UTP20: variants seen among roughly 807,000 people sequenced by gnomAD.
UTP20 encodes UTP20 small subunit processome component, also known as small subunit processome component 20 homolog.
In UTP20, 164 loss-of-function variants were observed where a neutral mutation model predicts 329.5. The observed-to-expected ratio is 0.50, with a 90% CI of 0.44 to 0.57. The LOEUF is 0.57. UTP20 is among the 20% of genes least tolerant of loss of function. The probability of loss-of-function intolerance (pLI) is 0.00; values close to 1 mark genes in which losing one functional copy is unlikely to be tolerated. For synonymous variants in UTP20, 1,151 were observed against 1,159.3 expected, an observed-to-expected ratio of 0.99 and a Z score of 0.14; for missense variants, 3,055 against 3,284.2, an observed-to-expected ratio of 0.93 and a Z score of 1.71.
At chr12:101,322,268 G>A (rs1335882317) in intron 25 of UTP20, among the ~76,000 whole-genome samples, 1 of 152,164 alleles carries the variant, frequency 6.6e-6, no homozygotes, top group Non-Finnish European at 1.5e-5. Context: ...GGGATTACAG[G>A]CGTGAGCCAC....
At chr12:101,306,787 G>C (rs748481889) in intron 17 of UTP20, 26 bp downstream of exon 17, 1 of 1,564,768 alleles carries the variant, frequency 6.4e-7, no homozygotes, top group Non-Finnish European at 8.7e-7. Flanking sequence ...GAGTGGATAG[G>C]TTTTAAAAAA....
chr12:101,301,538 C>T (rs904530104), intron 14 of UTP20, among the ~76,000 whole-genome samples: 11 of 151,594 alleles, frequency 7.3e-5, no homozygotes, highest in African/African-American at 1.2e-4. Context: ...TATGATAGCA[C>T]ATGCCTGTAA....
chr12:101,282,544 A>G (rs1196750459), intron 2 of UTP20, among the ~76,000 whole-genome samples: 2 of 152,184 alleles, frequency 1.3e-5, no homozygotes, highest in Non-Finnish European at 2.9e-5. Context: ...GGCAAGGATC[A>G]TAAAGGACTT....
intron 32 of UTP20, among the ~76,000 whole-genome samples, chr12:101,342,196 A>G (rs1405408257): frequency 6.6e-6 from 1 of 152,200 alleles, no homozygotes; most frequent in Non-Finnish European, 1.5e-5. Context: ...ATTAGACAAT[A>G]GAAGAAATTA....
chr12:101,384,936 G>A (rs891783389), intron 60 of UTP20, among the ~76,000 whole-genome samples: 13 of 152,128 alleles, frequency 8.5e-5, no homozygotes, highest in Non-Finnish European at 1.6e-4. Flanking sequence ...GGATTCAACA[G>A]CAGGAAAGTT....
intron 58 of UTP20, 69 bp downstream of exon 58, chr12:101,381,280 C>G: frequency 7.1e-7 from 1 of 1,406,400 alleles, no homozygotes; most frequent in Non-Finnish European, 1.0e-6. Context: ...GCCTGTAATC[C>G]CAGCACTTTG....
intron 27 of UTP20, among the ~76,000 whole-genome samples, chr12:101,332,391 A>G (rs1009675239): frequency 1.3e-5 from 2 of 152,146 alleles, no homozygotes; most frequent in African/African-American, 4.8e-5. Flanking sequence ...CATACATTCA[A>G]TAAATTTGCC....
At chr12:101,367,210 A>G (rs1441932054) in intron 47 of UTP20, among the ~76,000 whole-genome samples, 4 of 152,146 alleles carry the variant, frequency 2.6e-5, no homozygotes, top group Middle Eastern at 3.2e-3. Flanking sequence ...ACTTGAGCCC[A>G]GGAGTTTGAG....
intron 21 of UTP20, among the ~76,000 whole-genome samples, chr12:101,314,473 ACGGTGAAAC>A (rs1872899666): frequency 6.6e-6 from 1 of 151,960 alleles, no homozygotes; most frequent in African/African-American, 2.4e-5. Flanking sequence ...CCTGGCTAAC[ACGGTGAAAC>A]CCTGTCTGTA....
chr12:101,365,072 TTGTGTGTGTGTG>T (rs60890980), intron 45 of UTP20, among the ~76,000 whole-genome samples: 18,156 of 141,964 alleles, frequency 0.13, 1,344 homozygotes, highest in Middle Eastern at 0.24. Flanking sequence ...ATTTTGTTGA[TTGTGTGTGTGTG>T]TGTGTGTGTG....
At chr12:101,346,684 C>A in intron 38 of UTP20, 96 bp downstream of exon 38, 1 of 1,247,238 alleles carries the variant, frequency 8.0e-7, no homozygotes, top group Non-Finnish European at 1.1e-6. Context: ...GTGTTGATGT[C>A]ATCACCATAA....
chr12:101,336,399 A>G (rs1369687142), intron 29 of UTP20, among the ~76,000 whole-genome samples: 1 of 152,366 alleles, frequency 6.6e-6, no homozygotes, highest in Non-Finnish European at 1.5e-5. Flanking sequence ...ACTAGCTTAT[A>G]AGTAAGTTTA....
chr12:101,340,937 C>CTTTTTTTTT (rs71091488), intron 32 of UTP20, among the ~76,000 whole-genome samples: 13 of 83,018 alleles, frequency 1.6e-4, no homozygotes, highest in Non-Finnish European at 2.2e-4. Flanking sequence ...ATTGTGTAAT[C>CTTTTTTTTT]TTTTTTTTTT....
At chr12:101,293,376 T>C in intron 11 of UTP20, 131 bp downstream of exon 11, 1 of 752,314 alleles carries the variant, frequency 1.3e-6, no homozygotes, top group Non-Finnish European at 2.1e-6. Flanking sequence ...TTTTAGTCAA[T>C]ATGTTTTTTA....
At position 101,338,863 on chromosome 12, in the gene UTP20, C is replaced by T. The variant is rs768337638; in HGVS notation, c.3919C>T (p.Leu1307Phe). 1.2e-6 allele frequency: 2 copies of T among 1,612,026 alleles called. No homozygotes were observed. The highest frequency in any genetic ancestry group is 1.7e-6 in the Non-Finnish European group (2 of 1,179,376). ...RLILPHVPAILQYLSKTTISA... is the reference protein window; with the variant it reads ...RLILPHVPAIFQYLSKTTISA... ...AATTCTACCTCATGTACCTGCAATT[C>T]TTCAGTATCTCAGCAAAACCACAAT... Residue 1307 changes from leucine (L) to phenylalanine (F), a missense_variant, in exon 31 of 62, where the codon CTT (leucine) becomes TTT (phenylalanine). By Grantham distance (22) the Leu-to-Phe change is conservative. Around this residue, in one of 3 missense-constraint regions of UTP20, gnomAD observed 2,445 missense variants for 2,575.5 expected, o/e 0.95. Coordinates refer to ENST00000261637, the MANE Select transcript of UTP20 (RefSeq NM_014503.3).
At chr12:101,364,131 G>C (rs1342982513) in intron 45 of UTP20, among the ~76,000 whole-genome samples, 1 of 152,170 alleles carries the variant, frequency 6.6e-6, no homozygotes, top group African/African-American at 2.4e-5. Flanking sequence ...TTTAGGCCAA[G>C]CATGGTGGCT....
chr12:101,321,752 C>G (rs1463724955), intron 25 of UTP20, 123 bp downstream of exon 25: 1 of 1,268,602 alleles, frequency 7.9e-7, no homozygotes, highest in Middle Eastern at 3.0e-4. Context: ...CTTTTGATTG[C>G]ATTTTCTTTG....
At position 101,381,154 on chromosome 12, in the gene UTP20, T is replaced by C; in HGVS notation, c.7599T>C (p.Ser2533=). The C allele has an allele frequency of 6.2e-7, 1 of 1,613,876 alleles. No individual in the cohort carries two copies. The highest frequency in any genetic ancestry group is 8.5e-7 in the Non-Finnish European group (1 of 1,179,696). The change falls in exon 58 of 62, where the codon TCT becomes TCC. Residue 2533 remains serine, a synonymous_variant. Coordinates refer to ENST00000261637, the MANE Select transcript of UTP20 (RefSeq NM_014503.3). ...TCTTTTCACAGATGAAAAGTATCTC[T>C]CTCGCCTCTTGCCATCAATTGCATT... ...SDLDQKMKSI[S]LASCHQLHSK... is the part of the protein sequence containing the mutation.
chr12:101,295,475 T>G lies in UTP20; in HGVS notation c.1252-5T>G, dbSNP rs1215532332. The G allele has an allele frequency of 6.4e-7, 1 of 1,564,314 alleles. No individual in the cohort carries two copies. Among genetic ancestry groups the G allele is most frequent in the Non-Finnish European group, 8.7e-7 (1 of 1,151,780 alleles). On this transcript the variant is annotated splice_region_variant and splice_polypyrimidine_tract_variant and intron_variant, in intron 11 of 61. Coordinates refer to ENST00000261637, the MANE Select transcript of UTP20 (RefSeq NM_014503.3). ...TAAGTGTGATTTTTTTTTTCTTAAC[T>G]TTAGCTTTTTCTACCAAGCTTTCTG...
Sources: gnomAD v4.1 joint callset for allele counts (sites outside exome capture counted in the v4.1 genomes callset) on GRCh38, gnomAD v4.1.1 for gene constraint, gnomAD v4.1.1 regional missense constraint, MANE v1.5 for transcripts, NCBI Gene and HGNC (gene_info 2026-07-23, HGNC 2026-07-21) for gene names.